Variants in HJURP observed in about 807,000 individuals in gnomAD.
The protein encoded by HJURP is Holliday junction recognition protein.
Under a neutral mutation model 72.0 loss-of-function variants are expected in HJURP, and 49 were observed. That is an observed-to-expected ratio of 0.68 (90% CI 0.54 to 0.86). The LOEUF is 0.86. Among genes scored for constraint, HJURP ranks in the 40% least tolerant of loss-of-function variants. The pLI is 0.00. For missense variants in HJURP, 908 were observed against 936.3 expected, an observed-to-expected ratio of 0.97 and a Z score of 0.39; for synonymous variants, 357 against 347.1, an observed-to-expected ratio of 1.03 and a Z score of -0.32.
At position 233,841,596 on chromosome 2, in the gene HJURP, G is replaced by A. The variant is rs1185447339; in HGVS notation, c.1184C>T (p.Thr395Ile). The A allele has an allele frequency of 6.2e-7, 1 of 1,614,144 alleles. No homozygotes were observed. Among genetic ancestry groups the A allele is most frequent in the Non-Finnish European group, 8.5e-7 (1 of 1,180,002 alleles). The change falls in exon 8 of 9, where the codon ACA (threonine) becomes ATA (isoleucine). Residue 395 changes from threonine to isoleucine, a missense_variant. This residue lies in a region of HJURP where 598 missense variants were observed against 619.5 expected (regional missense o/e 0.97). Transcript: ENST00000411486. ...TCTATTTTCCTCATCAAGATTATAT[G>A]TTGCACTGGAGTCGAAGTAAATCAA... Reference protein sequence around the residue: ...SSLIYFDSSATYNLDEENRFR... With the variant: ...SSLIYFDSSAIYNLDEENRFR...
intron 8 of HJURP, among the ~76,000 whole-genome samples, chr2:233,838,852 G>A (rs374099370): frequency 2.2e-4 from 33 of 152,350 alleles, no homozygotes; most frequent in African/African-American, 7.7e-4. Flanking sequence ...GTGGCTGAAA[G>A]TCACCCGGCT....
At chr2:233,840,427 G>A (rs1453702247) in intron 8 of HJURP, among the ~76,000 whole-genome samples, 182 bp downstream of exon 8, 1 of 152,204 alleles carries the variant, frequency 6.6e-6, no homozygotes, top group African/African-American at 2.4e-5. Flanking sequence ...ACACATTCTT[G>A]ATAGAGACGC....
At chr2:233,840,487 A>T in intron 8 of HJURP, 122 bp downstream of exon 8, 1 of 978,634 alleles carries the variant, frequency 1.0e-6, no homozygotes, top group Non-Finnish European at 1.5e-6. Flanking sequence ...GAAAATGATC[A>T]CGTATGTAAG....
rs766817557 is a variant in HJURP, at chr2:233,841,778, T to C, written c.1002A>G (p.Thr334=). 1.4e-5 allele frequency: 22 copies of C among 1,614,188 alleles called. No homozygotes were observed. The highest frequency in any genetic ancestry group is 1.9e-5 in the Non-Finnish European group (22 of 1,180,012). ...FIPCSEPVKG[T]GALRDCKNVL... ...CGTTCTTGCAATCTCTTAATGCCCCTGTCCCTTTCACAGGCTCAGAGCAGG... is the reference window on the plus strand; with the variant it reads ...CGTTCTTGCAATCTCTTAATGCCCCCGTCCCTTTCACAGGCTCAGAGCAGG... The change falls in exon 8 of 9, where the codon ACA becomes ACG. Residue 334 remains threonine (T), a synonymous_variant. Transcript: ENST00000411486.
intron 7 of HJURP, among the ~76,000 whole-genome samples, chr2:233,843,091 A>C (rs1334867709): frequency 6.6e-6 from 1 of 152,222 alleles, no homozygotes; most frequent in African/African-American, 2.4e-5. Context: ...CCTAAAAAAT[A>C]AAAATAAAAT....
At chr2:233,849,708 G>C in intron 4 of HJURP, 55 bp downstream of exon 4, 1 of 1,100,928 alleles carries the variant, frequency 9.1e-7, no homozygotes, top group Non-Finnish European at 1.3e-6. Flanking sequence ...GTTGTAACAG[G>C]TGCGTCAGAC....
At chr2:233,852,679 A>G (rs1183977257) in intron 2 of HJURP, 59 bp from the exon 3 acceptor site, 3 of 1,299,278 alleles carry the variant, frequency 2.3e-6, no homozygotes, top group African/African-American at 2.9e-5. Flanking sequence ...ACTTCTGCTC[A>G]ATCTGTGTTC....
intron 3 of HJURP, 85 bp downstream of exon 3, chr2:233,852,480 A>G (rs1705517446): frequency 2.1e-6 from 2 of 962,138 alleles, no homozygotes; most frequent in Non-Finnish European, 3.4e-6. Context: ...GCGTAAGCTC[A>G]GAGGTTGGGC....
At chr2:233,843,915 A>G (rs1705292778) in intron 7 of HJURP, among the ~76,000 whole-genome samples, 1 of 152,230 alleles carries the variant, frequency 6.6e-6, no homozygotes, top group Non-Finnish European at 1.5e-5. Flanking sequence ...ACAACATGTT[A>G]ATTGTGAAAC....
intron 6 of HJURP, among the ~76,000 whole-genome samples, chr2:233,845,181 T>A (rs906755820): frequency 2.0e-5 from 3 of 151,918 alleles, no homozygotes; most frequent in Non-Finnish European, 4.4e-5. Context: ...AGATAGAGTC[T>A]TGCTCTATCA....
Position 233,841,248 on chromosome 2 carries a change from G to A in HJURP, c.1532C>T (p.Ala511Val), listed in dbSNP as rs1354958271. 4 of 1,613,982 alleles carry A rather than the reference G, an allele frequency of 2.5e-6. No homozygotes were observed. The highest frequency in any genetic ancestry group is 1.3e-5 in the African/African-American group (1 of 74,918). Residue 511 changes from alanine (A) to valine (V), a missense_variant, in exon 8 of 9, where the codon GCA becomes GTA. Ala to Val is a moderately conservative substitution (Grantham distance 64, BLOSUM62 0). Around this residue, in one of 3 missense-constraint regions of HJURP, gnomAD observed 598 missense variants for 619.5 expected, o/e 0.97. Coordinates refer to ENST00000411486, the MANE Select transcript of HJURP (RefSeq NM_018410.5). ...ATCGCTCTTGGGCAGGCACCTACCT[G>A]CTTCCAGAGATCTTTTGCCTAGGTT... ...FENLGKRSLEAGRCLPKSDSS... is the reference protein window; with the variant it reads ...FENLGKRSLEVGRCLPKSDSS...
intron 8 of HJURP, among the ~76,000 whole-genome samples, chr2:233,839,196 T>C (rs1705154990): frequency 6.6e-6 from 1 of 152,170 alleles, no homozygotes; most frequent in African/African-American, 2.4e-5. Context: ...CCTGGGAGCT[T>C]CTAGAACTGA....
In HJURP at chr2:233,842,144, G is replaced by A; in HGVS notation, c.636C>T (p.Pro212=). Residue 212 remains proline, a synonymous_variant, in exon 8 of 9, where the codon CCC becomes CCT. Coordinates refer to ENST00000411486, the MANE Select transcript of HJURP (RefSeq NM_018410.5). ...AAGGATGCAAAGGATCCCATTCTCTGGGAGATGAAGCTGGTTTCGCTGGGT... is the reference window on the plus strand; with the variant it reads ...AAGGATGCAAAGGATCCCATTCTCTAGGAGATGAAGCTGGTTTCGCTGGGT... ...PGDPAKPASS[P]REWDPLHPSS... 6.2e-7 allele frequency: 1 copy of A among 1,613,958 alleles called. No homozygotes were observed. The highest frequency in any genetic ancestry group is 8.5e-7 in the Non-Finnish European group (1 of 1,179,864).
chr2:233,851,187 T>C (rs1705487501), intron 3 of HJURP, among the ~76,000 whole-genome samples: 1 of 152,296 alleles, frequency 6.6e-6, no homozygotes, highest in East Asian at 1.9e-4. Context: ...GTCTAATGAG[T>C]GGACATCTGT....
At chr2:233,844,351 T>C (rs1322908816) in intron 6 of HJURP, 68 bp from the exon 7 acceptor site, 2 of 1,218,518 alleles carry the variant, frequency 1.6e-6, no homozygotes, top group Non-Finnish European at 2.4e-6. Context: ...GGAGCTGGGT[T>C]CTCCCCTGAC....
At chr2:233,853,752 A>G in intron 2 of HJURP, 92 bp downstream of exon 2, 1 of 1,041,594 alleles carries the variant, frequency 9.6e-7, no homozygotes, top group Non-Finnish European at 1.4e-6. Context: ...TTAGGTGAAC[A>G]ATGTTTACTT....
Position 233,841,550 on chromosome 2 carries a change from T to C in HJURP, c.1230A>G (p.Leu410=). ...TGGAAACTATTTTTACAGGAGAAAT[T>C]AACCATTTTAATGTCCTAAATCTAT... ...EENRFRTLKW[L]ISPVKIVSRP... Residue 410 remains leucine (L), a synonymous_variant, in exon 8 of 9, where the codon TTA becomes TTG. Coordinates refer to ENST00000411486, the MANE Select transcript of HJURP (RefSeq NM_018410.5). The C allele has an allele frequency of 1.2e-6, 2 of 1,614,006 alleles. No homozygotes were observed.
rs761887259 is a variant in HJURP, at chr2:233,842,080, G to A, written c.700C>T (p.Leu234Phe). The A allele has an allele frequency of 4.3e-6, 7 of 1,614,218 alleles. No homozygotes were observed. The highest frequency in any genetic ancestry group is 5.1e-6 in the Non-Finnish European group (6 of 1,180,030). Residue 234 changes from leucine to phenylalanine, a missense_variant, in exon 8 of 9, where the codon CTC (leucine) becomes TTC (phenylalanine). By Grantham distance (22) the Leu-to-Phe change is conservative. Around this residue, in one of 3 missense-constraint regions of HJURP, gnomAD observed 11 missense variants for 30.1 expected, o/e 0.37. Coordinates refer to ENST00000411486, the MANE Select transcript of HJURP (RefSeq NM_018410.5). ...DMALVPRNDSLSLQETSSSSF... is the reference protein window; with the variant it reads ...DMALVPRNDSFSLQETSSSSF... Reference sequence around the variant, plus strand: ...CTGCTACTGGTCTCTTGTAGGGAGAGGCTGTCATTTCTAGGTACTAAGGCC... The same window carrying A: ...CTGCTACTGGTCTCTTGTAGGGAGAAGCTGTCATTTCTAGGTACTAAGGCC...
At position 233,837,427 on chromosome 2, in the gene HJURP, G is replaced by A. The variant is rs1005164688; in HGVS notation, c.*150C>T. On this transcript the variant is annotated 3_prime_UTR_variant, in exon 9 of 9. Transcript: ENST00000411486. The stretch of plus-strand genomic sequence containing the variant: ...CACATAATTTCTACACCAAGAACTC[G>A]AGGTTATCTCTGATGGAACCAATTT... 17 of 606,258 alleles carry A rather than the reference G, an allele frequency of 2.8e-5. No homozygotes were observed. Among genetic ancestry groups the A allele is most frequent in the Admixed American group, 1.3e-4 (4 of 29,852 alleles). The allele number at this position is 606,258 out of a possible 1,614,324, so 37.6% of individuals were successfully genotyped here. A position where few individuals can be genotyped will look rare whatever the true frequency, so the allele number is the denominator to read the frequency against.
Sources: allele counts gnomAD v4.1 joint callset (sites outside exome capture counted in the v4.1 genomes callset), GRCh38; gene constraint gnomAD v4.1.1; regional missense constraint gnomAD v4.1.1; transcripts MANE v1.5; gene names NCBI Gene and HGNC (gene_info 2026-07-23, HGNC 2026-07-21).